Variants in ENAH observed in about 807,000 individuals in gnomAD.
ENAH encodes the protein ENAH actin regulator, also known as protein enabled homolog.
Under a neutral mutation model 78.7 loss-of-function variants are expected in ENAH, and 23 were observed. The observed-to-expected ratio is 0.29, with a 90% confidence interval of 0.21 to 0.41. ENAH has a LOEUF of 0.41. Ranked by LOEUF, ENAH falls within the 10% of genes least tolerant of loss-of-function variation. ENAH has a pLI of 1.00. For synonymous variants in ENAH, 226 were observed against 241.0 expected (o/e 0.94, Z 0.58); for missense variants, 544 against 691.0 (o/e 0.79, Z 2.39).
intron 1 of ENAH, among the ~76,000 whole-genome samples, chr1:225,616,283 T>C (rs1011136586): frequency 6.0e-5 from 9 of 150,018 alleles, no homozygotes; most frequent in African/African-American, 2.2e-4. Flanking sequence ...CCTATGACCC[T>C]GCCAAATCCC....
At chr1:225,503,096 A>T (rs2096293739) in intron 11 of ENAH, among the ~76,000 whole-genome samples, 1 of 152,212 alleles carries the variant, frequency 6.6e-6, no homozygotes, top group Admixed American at 6.5e-5. Context: ...TAAAAATTTA[A>T]TTCATGCTAA....
intron 11 of ENAH, 93 bp downstream of exon 11, chr1:225,507,858 A>G: frequency 1.2e-6 from 1 of 865,266 alleles, no homozygotes; most frequent in Non-Finnish European, 1.7e-6. Flanking sequence ...TCCTCTGTAT[A>G]ATTTCTTACC....
chr1:225,547,095 G>A (rs890517296), intron 3 of ENAH, among the ~76,000 whole-genome samples: 15 of 149,824 alleles, frequency 1.0e-4, no homozygotes, highest in African/African-American at 3.5e-4. Context: ...TTTTTGAGAC[G>A]GAGTCTCACT....
chr1:225,556,690 G>A (rs1202753907), intron 2 of ENAH, among the ~76,000 whole-genome samples: 2 of 152,094 alleles, frequency 1.3e-5, no homozygotes, highest in African/African-American at 4.8e-5. Context: ...CTTTGATTCT[G>A]TTCAAATTAG....
At chr1:225,524,178 T>C (rs761590517) in intron 4 of ENAH, among the ~76,000 whole-genome samples, 4 of 152,114 alleles carry the variant, frequency 2.6e-5, no homozygotes, top group African/African-American at 9.7e-5. Flanking sequence ...CAAATGTAAA[T>C]AGATGCACAA....
In ENAH at chr1:225,522,156, G is replaced by A. The variant is rs375052048; in HGVS notation, c.435-2591C>T. Among the ~76,000 whole-genome samples the A allele has an allele frequency of 3.3e-5, 5 of 152,294 alleles. No individual in the cohort carries two copies. In the East Asian group the frequency reaches 9.6e-4, roughly 29 times the overall value. On this transcript the variant is annotated intron_variant, in intron 4 of 13. Transcript: ENST00000366843. ...CTTTCTGGACTGGCTAATAAACTGG[G>A]TGGGTCTAGTTAGAGACAAAGCTAA...
chr1:225,493,268 C>T lies in ENAH; in HGVS notation c.*4507G>A, dbSNP rs2096231863. On this transcript the variant is annotated 3_prime_UTR_variant, in exon 14 of 14. Transcript: ENST00000366843. ...ACAGACCTCCAACAGTTCTTGGCTT[C>T]TATAAACGGACTTTCTTGAGGGGTT... is the stretch of plus-strand genomic sequence containing the variant. 6.6e-6 allele frequency: 1 copy of T among 152,166 alleles called. No individual in the cohort carries two copies. Among genetic ancestry groups the T allele is most frequent in the Non-Finnish European group, 1.5e-5 (1 of 68,018 alleles). The allele number at this position is 152,166 out of a possible 1,614,324, so 9.4% of individuals were successfully genotyped here.
chr1:225,592,639 TAA>T (rs1346154890), intron 1 of ENAH, among the ~76,000 whole-genome samples: 2 of 152,236 alleles, frequency 1.3e-5, no homozygotes, highest in Admixed American at 6.5e-5. Context: ...GTATTTGGAT[TAA>T]AAGTCAACTT....
intron 2 of ENAH, among the ~76,000 whole-genome samples, chr1:225,566,168 C>T (rs915952291): frequency 6.6e-6 from 1 of 152,150 alleles, no homozygotes; most frequent in Non-Finnish European, 1.5e-5. Flanking sequence ...GAAAGCAACA[C>T]ACTCCTTTGC....
In ENAH at chr1:225,495,431, G is replaced by C. The variant is rs2096244477; in HGVS notation, c.*2344C>G. 1 of 147,042 alleles carries C rather than the reference G, an allele frequency of 6.8e-6. No homozygotes were observed. The highest frequency in any genetic ancestry group is 6.8e-5 in the Admixed American group (1 of 14,642). 9.1% of individuals were successfully genotyped at this position (147,042 alleles called of 1,614,324 possible). A position where few individuals can be genotyped will look rare whatever the true frequency, so the allele number is the denominator to read the frequency against. The stretch of plus-strand genomic sequence containing the variant: ...GAACATTTAGCAATCTGGGATGATG[G>C]GAAATATAGCATGATTCAACACTGG... On this transcript the variant is annotated 3_prime_UTR_variant, in exon 14 of 14. Transcript: ENST00000366843.
chr1:225,522,615 A>C (rs1450526961), intron 4 of ENAH, among the ~76,000 whole-genome samples: 1 of 152,192 alleles, frequency 6.6e-6, no homozygotes, highest in Non-Finnish European at 1.5e-5. Context: ...TTTTAATAAT[A>C]AACAGAGGAA....
chr1:225,634,431 T>C (rs1421875423), intron 1 of ENAH, among the ~76,000 whole-genome samples: 3 of 152,202 alleles, frequency 2.0e-5, no homozygotes, highest in African/African-American at 7.2e-5. Flanking sequence ...TTGTCTCTTC[T>C]GGGAGAGAAA....
chr1:225,643,951 T>C (rs1274014794), intron 1 of ENAH, among the ~76,000 whole-genome samples: 1 of 151,776 alleles, frequency 6.6e-6, no homozygotes, highest in East Asian at 1.9e-4. Flanking sequence ...ATAAAAATAA[T>C]AAAATGTAAA....
chr1:225,498,317 T>C (rs2096261182), intron 13 of ENAH, 30 bp downstream of exon 13: 3 of 1,535,762 alleles, frequency 2.0e-6, no homozygotes, highest in East Asian at 2.3e-5. Context: ...CATTGTTTTA[T>C]AGGAATAGTA....
At chr1:225,615,342 G>T (rs1330122502) in intron 1 of ENAH, among the ~76,000 whole-genome samples, 1 of 152,220 alleles carries the variant, frequency 6.6e-6, no homozygotes. Context: ...CCCTCACTCA[G>T]TGCTCAATGG....
chr1:225,633,601 T>G (rs1032653900), intron 1 of ENAH, among the ~76,000 whole-genome samples: 1 of 152,218 alleles, frequency 6.6e-6, no homozygotes, highest in Non-Finnish European at 1.5e-5. Context: ...TCCAGCCAAG[T>G]CACTTAAGTA....
Position 225,494,573 on chromosome 1 carries a change from TAAG to T in ENAH, c.*3199_*3201del, listed in dbSNP as rs941029787. 3.3e-5 allele frequency: 5 copies of T among 152,048 alleles called. No homozygotes were observed. Among genetic ancestry groups the T allele is most frequent in the Admixed American group, 6.6e-5 (1 of 15,260 alleles). 9.4% of individuals were successfully genotyped at this position (152,048 alleles called of 1,614,324 possible). On this transcript the variant is annotated 3_prime_UTR_variant, in exon 14 of 14. Transcript: ENST00000366843. ...TGTGTCAAGGTGGGCAGAGAGAAAA[TAAG>T]AAGAGGGAACACCCAACAGTTATTT...
intron 1 of ENAH, among the ~76,000 whole-genome samples, chr1:225,639,743 CAA>C (rs1553466810): frequency 1.4e-4 from 19 of 132,266 alleles, no homozygotes; most frequent in Middle Eastern, 3.5e-3. Context: ...CACACACACA[CAA>C]GAAGGATGGT....
At chr1:225,642,702 C>T (rs1661301704) in intron 1 of ENAH, among the ~76,000 whole-genome samples, 1 of 151,966 alleles carries the variant, frequency 6.6e-6, no homozygotes, top group African/African-American at 2.4e-5. Context: ...ATATCGGATA[C>T]GATATATGTA....
Sources: gnomAD v4.1 joint callset for allele counts (sites outside exome capture counted in the v4.1 genomes callset) on GRCh38, gnomAD v4.1.1 for gene constraint, MANE v1.5 for transcripts, NCBI Gene and HGNC (gene_info 2026-07-23, HGNC 2026-07-21) for gene names.